The following MED19 variants were observed in gnomAD, a reference collection of about 807,000 sequenced individuals.
MED19 encodes the protein mediator complex subunit 19.
In MED19, 4 loss-of-function variants were observed where a neutral mutation model predicts 19.9. The observed-to-expected ratio is 0.20, with a 90% CI of 0.10 to 0.46. MED19 has a LOEUF of 0.46. Among genes scored for constraint, MED19 ranks in the 20% least tolerant of loss-of-function variants. The pLI is 0.99. For missense variants in MED19, 303 were observed against 318.7 expected, an observed-to-expected ratio of 0.95 and a Z score of 0.38; for synonymous variants, 139 against 119.6, an observed-to-expected ratio of 1.16 and a Z score of -1.06.
At chr11:57,704,739 G>C in exon 3 of MED19, 4 of 1,607,712 alleles carry the variant, frequency 2.5e-6, no homozygotes, top group Non-Finnish European at 3.4e-6. Flanking sequence ...AGGATCCTGG[G>C]TACGGCTCTG....
At chr11:57,704,556 C>T in intron 3 of MED19, 160 bp from the exon 4 acceptor site, 1 of 1,589,554 alleles carries the variant, frequency 6.3e-7, no homozygotes, top group Non-Finnish European at 8.5e-7. Flanking sequence ...TCCCAAGTCC[C>T]AAGAGACCAC....
chr11:57,708,291 G>T (rs920427210), intron 1 of MED19, among the ~76,000 whole-genome samples: 2 of 152,146 alleles, frequency 1.3e-5, no homozygotes, highest in South Asian at 4.1e-4. Flanking sequence ...GCCCTCAGGA[G>T]AAAGCTCAAA....
At position 57,712,204 on chromosome 11, in the gene MED19, T is replaced by C. The variant is rs563918587; in HGVS notation, c.-25A>G. ...TCGTACCCTCCGCCCCGGCGCTGTC[T>C]CCGTGTCTGCCGTTGGTAATTTTCA... On this transcript the variant is annotated 5_prime_UTR_variant, in exon 1 of 5. Coordinates refer to ENST00000431606, the Ensembl canonical transcript of MED19. The C allele has an allele frequency of 2.1e-5, 32 of 1,495,434 alleles. No individual in the cohort carries two copies. The East Asian group carries it at 8.6e-4, about 40-fold the overall frequency. The allele number at this position is 1,495,434 out of a possible 1,614,324, so 92.6% of individuals were successfully genotyped here. A position where few individuals can be genotyped will look rare whatever the true frequency, so the allele number is the denominator to read the frequency against.
intron 1 of MED19, among the ~76,000 whole-genome samples, chr11:57,708,594 T>C (rs1012653065): frequency 2.0e-5 from 3 of 152,226 alleles, no homozygotes; most frequent in African/African-American, 7.2e-5. Context: ...GGCTAAGATA[T>C]TGTTAATTGC....
exon 1 of MED19, chr11:57,712,130 G>A: frequency 2.0e-6 from 3 of 1,530,990 alleles, no homozygotes; most frequent in Non-Finnish European, 2.6e-6. Context: ...TGCGGTTGGG[G>A]GCGGTGGTGG....
intron 2 of MED19, 71 bp downstream of exon 2, chr11:57,704,902 C>T: frequency 6.2e-7 from 1 of 1,605,336 alleles, no homozygotes; most frequent in Non-Finnish European, 8.5e-7. Context: ...TATGAAGGAA[C>T]AGACTTGGAG....
At chr11:57,703,865 C>T (rs1443498712) in exon 5 of MED19, 3 of 989,060 alleles carry the variant, frequency 3.0e-6, no homozygotes, top group East Asian at 5.5e-5. Flanking sequence ...CCTACAAAAG[C>T]ATGTCCCTCT....
chr11:57,705,193 G>A, exon 2 of MED19: 3 of 1,614,172 alleles, frequency 1.9e-6, no homozygotes, highest in African/African-American at 1.3e-5. Flanking sequence ...GTTGTAGTGT[G>A]TGATCAGATT....
At chr11:57,707,797 C>T (rs556852487) in intron 1 of MED19, among the ~76,000 whole-genome samples, 78 of 152,276 alleles carry the variant, frequency 5.1e-4, no homozygotes, top group Non-Finnish European at 6.0e-4. Flanking sequence ...CTTGAGAGTT[C>T]AAATTCCAGT....
chr11:57,711,224 G>A (rs1263462649), intron 1 of MED19, among the ~76,000 whole-genome samples: 2 of 152,162 alleles, frequency 1.3e-5, no homozygotes, highest in Non-Finnish European at 2.9e-5. Flanking sequence ...GATCAGACCA[G>A]GAAATGCCGG....
chr11:57,704,685 T>G (rs747434696), intron 3 of MED19, 34 bp downstream of exon 3: 3 of 1,571,768 alleles, frequency 1.9e-6, no homozygotes, highest in Non-Finnish European at 2.6e-6. Flanking sequence ...TTTTTTTTTT[T>G]TTTTTTTTTG....
chr11:57,705,210 G>C, exon 2 of MED19: 1 of 1,614,128 alleles, frequency 6.2e-7, no homozygotes, highest in Non-Finnish European at 8.5e-7. Flanking sequence ...GATTCGTGCT[G>C]CCTGTCAGCT....
chr11:57,710,981 G>A (rs543776542), intron 1 of MED19, among the ~76,000 whole-genome samples: 3 of 152,128 alleles, frequency 2.0e-5, no homozygotes, highest in East Asian at 1.9e-4. Flanking sequence ...CGTGAGCAAC[G>A]CGCCTGGCCA....
At chr11:57,706,971 G>C (rs1374946175) in intron 1 of MED19, among the ~76,000 whole-genome samples, 1 of 152,108 alleles carries the variant, frequency 6.6e-6, no homozygotes, top group African/African-American at 2.4e-5. Context: ...GCCAAGGCAG[G>C]CAGATCACCT....
At chr11:57,705,585 T>G (rs1590878969) in intron 1 of MED19, among the ~76,000 whole-genome samples, 1 of 140,066 alleles carries the variant, frequency 7.1e-6, no homozygotes. Flanking sequence ...ACCCGGGAGG[T>G]GGAGGTTGCA....
Position 57,711,951 on chromosome 11 carries a change from C to G in MED19, c.217+12G>C. ...ATTTGATTGGCTGGCTTTGGCAAGG[C>G]CGAGTACTCACCTGGCAGTTCCCTC... On this transcript the variant is annotated intron_variant, in intron 1 of 4. Coordinates refer to ENST00000431606, the Ensembl canonical transcript of MED19. 7.0e-7 allele frequency: 1 copy of G among 1,432,710 alleles called. No homozygotes were observed. Among genetic ancestry groups the G allele is most frequent in the South Asian group, 1.5e-5 (1 of 68,744 alleles). The allele number at this position is 1,432,710 out of a possible 1,614,324, so 88.7% of individuals were successfully genotyped here. A position where few individuals can be genotyped will look rare whatever the true frequency, so the allele number is the denominator to read the frequency against.
intron 3 of MED19, 50 bp downstream of exon 3, chr11:57,704,669 G>GGTTT: frequency 6.2e-6 from 8 of 1,286,304 alleles, no homozygotes; most frequent in Non-Finnish European, 8.2e-6. Context: ...AGAAGGTCAG[G>GGTTT]TTTTTTTTTT....
exon 1 of MED19, chr11:57,712,098 G>T (rs1427413930): frequency 6.5e-7 from 1 of 1,528,100 alleles, no homozygotes; most frequent in Admixed American, 2.1e-5. Context: ...GGGGGTGGAG[G>T]CTTTCCTGGT....
chr11:57,710,287 AG>A (rs1430911066), intron 1 of MED19, among the ~76,000 whole-genome samples: 1 of 152,240 alleles, frequency 6.6e-6, no homozygotes, highest in African/African-American at 2.4e-5. Flanking sequence ...GCATGAGCCT[AG>A]GAACTGGAGG....
Sources: allele counts gnomAD v4.1 joint callset (sites outside exome capture counted in the v4.1 genomes callset), GRCh38; gene constraint gnomAD v4.1.1; transcripts MANE v1.5; gene names NCBI Gene and HGNC (gene_info 2026-07-23, HGNC 2026-07-21).